POLR3H: variants seen among roughly 807,000 people sequenced by gnomAD.
The protein encoded by POLR3H is DNA-directed RNA polymerase III subunit RPC8.
A neutral mutation model predicts 25.5 loss-of-function variants in POLR3H; 17 were observed. That is an observed-to-expected ratio of 0.67 (90% CI 0.46 to 1.00). The LOEUF is 1.00. Ranked by LOEUF, POLR3H falls within the 50% of genes least tolerant of loss-of-function variation. POLR3H has a pLI of 0.00. For missense variants in POLR3H, 274 were observed against 265.0 expected, an observed-to-expected ratio of 1.03 and a Z score of -0.24; for synonymous variants, 129 against 103.0, an observed-to-expected ratio of 1.25 and a Z score of -1.53.
intron 2 of POLR3H, 128 bp from the exon 3 acceptor site, chr22:41,532,873 ACC>A: frequency 1.0e-6 from 1 of 988,592 alleles, no homozygotes; most frequent in East Asian, 2.7e-5. Flanking sequence ...GCAAGCCTAG[ACC>A]CTCCCTTTGT....
In POLR3H at chr22:41,526,597, C is replaced by A; in HGVS notation, c.*2686G>T. ...GGACTGCTGTGGAAGGGAGGAGAGG[C>A]CTGCAGCCCCTCCCTGTGGCTGAGA... On this transcript the variant is annotated 3_prime_UTR_variant, in exon 6 of 6. Coordinates refer to ENST00000355209, the MANE Select transcript of POLR3H (RefSeq NM_001018050.4). 1.2e-6 allele frequency: 1 copy of A among 849,068 alleles called. No homozygotes were observed. Among genetic ancestry groups the A allele is most frequent in the Non-Finnish European group, 1.7e-6 (1 of 579,222 alleles). The allele number at this position is 849,068 out of a possible 1,614,324, so 52.6% of individuals were successfully genotyped here.
intron 5 of POLR3H, chr22:41,529,591 C>A: frequency 1.4e-6 from 1 of 701,566 alleles, no homozygotes; most frequent in East Asian, 2.7e-5. Context: ...TAGGCCTGCC[C>A]TCCAGGGCCA....
At chr22:41,529,374 G>A in intron 5 of POLR3H, 38 bp from the exon 6 acceptor site, 2 of 1,605,810 alleles carry the variant, frequency 1.2e-6, no homozygotes, top group Non-Finnish European at 1.7e-6. Flanking sequence ...TCACTGACAT[G>A]CTGGCTTGAA....
At chr22:41,543,135 A>C (rs765198589) in intron 1 of POLR3H, among the ~76,000 whole-genome samples, 2 of 152,192 alleles carry the variant, frequency 1.3e-5, no homozygotes, top group Admixed American at 6.5e-5. Flanking sequence ...GAAAAAGTCT[A>C]AGAAGGAAAG....
intron 5 of POLR3H, among the ~76,000 whole-genome samples, chr22:41,529,945 T>G (rs181162436): frequency 7.9e-5 from 12 of 151,616 alleles, no homozygotes; most frequent in South Asian, 2.1e-4. Context: ...TTAGTAGAGA[T>G]GGGGTTTCAC....
At chr22:41,536,114 C>A (rs999429040) in intron 2 of POLR3H, among the ~76,000 whole-genome samples, 1 of 148,534 alleles carries the variant, frequency 6.7e-6, no homozygotes, top group African/African-American at 2.5e-5. Flanking sequence ...GGAGGTGGGC[C>A]GGGCGCGGTG....
intron 3 of POLR3H, among the ~76,000 whole-genome samples, chr22:41,532,427 G>A (rs962987449): frequency 2.0e-5 from 3 of 152,164 alleles, no homozygotes; most frequent in Non-Finnish European, 2.9e-5. Flanking sequence ...AGTCACTTCC[G>A]CCAGCTTCAG....
At chr22:41,538,638 CT>C (rs1308046223) in intron 2 of POLR3H, among the ~76,000 whole-genome samples, 1 of 152,192 alleles carries the variant, frequency 6.6e-6, no homozygotes, top group Admixed American at 6.5e-5. Context: ...ACCAAGGCCC[CT>C]GTCCAAATGC....
In POLR3H at chr22:41,532,699, G is replaced by A. The variant is rs2145547255; in HGVS notation, c.255C>T (p.Leu85=). The change falls in exon 3 of 6, where the codon CTC becomes CTT. Residue 85 remains leucine, a synonymous_variant. Coordinates refer to ENST00000355209, the MANE Select transcript of POLR3H (RefSeq NM_001018050.4). ...VVFHPFLDEI[L]IGKIKGCSPE... Reference sequence around the variant, plus strand: ...GGCTGCAGCCTTTGATCTTCCCAATGAGAATCTCATCTAGGAATGGATGAA... The same window carrying A: ...GGCTGCAGCCTTTGATCTTCCCAATAAGAATCTCATCTAGGAATGGATGAA... The A allele has an allele frequency of 1.2e-6, 2 of 1,614,112 alleles. No homozygotes were observed. The highest frequency in any genetic ancestry group is 1.7e-6 in the Non-Finnish European group (2 of 1,179,998).
Position 41,528,444 on chromosome 22 carries a change from C to A in POLR3H, c.*839G>T. 1 of 1,608,078 alleles carries A rather than the reference C, an allele frequency of 6.2e-7. No homozygotes were observed. The highest frequency in any genetic ancestry group is 8.5e-7 in the Non-Finnish European group (1 of 1,178,098). Reference sequence around the variant, plus strand: ...TGCGGGGCCAAGGGCACACAGTACCCACCACTTCCACCCACACCCACCTTC... The same window carrying A: ...TGCGGGGCCAAGGGCACACAGTACCAACCACTTCCACCCACACCCACCTTC... On this transcript the variant is annotated 3_prime_UTR_variant, in exon 6 of 6. Transcript: ENST00000355209.
intron 4 of POLR3H, 121 bp from the exon 5 acceptor site, chr22:41,531,009 C>T (rs2066720603): frequency 2.2e-6 from 2 of 916,272 alleles, no homozygotes; most frequent in East Asian, 2.5e-5. Context: ...TGGGAAGTCA[C>T]AGGAAAAGCA....
At chr22:41,530,051 C>T (rs1214753033) in intron 5 of POLR3H, among the ~76,000 whole-genome samples, 2 of 151,588 alleles carry the variant, frequency 1.3e-5, no homozygotes. Context: ...CACTGTGCCC[C>T]AGCAGCCCTA....
In POLR3H at chr22:41,544,074, T is replaced by C; in HGVS notation, c.28A>G (p.Thr10Ala). 1.3e-6 allele frequency: 2 copies of C among 1,596,068 alleles called. No individual in the cohort carries two copies. The highest frequency in any genetic ancestry group is 4.6e-5 in the East Asian group (2 of 43,580). Residue 10 changes from threonine (T) to alanine (A), a missense_variant, in exon 1 of 6, where the codon ACC becomes GCC. Coordinates refer to ENST00000355209, the MANE Select transcript of POLR3H (RefSeq NM_001018050.4). ...AACTGCCAAGGGGGGATCCGGACGG[T>C]GTCCACCATTTCCACCAGGACGAAC... MFVLVEMVD[T>A]VRIPPWQFER...
intron 3 of POLR3H, 51 bp downstream of exon 3, chr22:41,532,608 T>G: frequency 3.1e-6 from 5 of 1,613,712 alleles, no homozygotes; most frequent in Non-Finnish European, 4.2e-6. Flanking sequence ...ACAGACCTCC[T>G]GCCCCCACAG....
rs80236719 is a variant in POLR3H, at chr22:41,544,382, T to G, written c.-281A>C. 0.031 allele frequency: 9,023 copies of G among 291,406 alleles called. 644 individuals are homozygous for G. The highest frequency in any genetic ancestry group is 0.23 in the Admixed American group (3,884 of 17,150). 18.1% of individuals were successfully genotyped at this position (291,406 alleles called of 1,614,324 possible). The stretch of plus-strand genomic sequence containing the variant: ...GCCACGCCACTCCACGCCACGCCAC[T>G]CCACGCCCCGCACCCGCGCCACGTG... On this transcript the variant is annotated 5_prime_UTR_variant, in exon 1 of 6. Transcript: ENST00000355209.
At position 41,528,786 on chromosome 22, in the gene POLR3H, A is replaced by G. The variant is rs1490920149; in HGVS notation, c.*497T>C. 1.1e-6 allele frequency: 1 copy of G among 942,080 alleles called. No individual in the cohort carries two copies. The highest frequency in any genetic ancestry group is 1.7e-5 in the African/African-American group (1 of 59,436). 58.4% of individuals were successfully genotyped at this position (942,080 alleles called of 1,614,324 possible). A position where few individuals can be genotyped will look rare whatever the true frequency, so the allele number is the denominator to read the frequency against. ...GTGGTTGTGGTGGGGGGGTTCTTAAAATAACTTTTTAGCCCCCGTCTTCCT... is the reference window on the plus strand; with the variant it reads ...GTGGTTGTGGTGGGGGGGTTCTTAAGATAACTTTTTAGCCCCCGTCTTCCT... On this transcript the variant is annotated 3_prime_UTR_variant, in exon 6 of 6. Coordinates refer to ENST00000355209, the MANE Select transcript of POLR3H (RefSeq NM_001018050.4).
At position 41,528,676 on chromosome 22, in the gene POLR3H, T is replaced by G; in HGVS notation, c.*607A>C. 6.3e-7 allele frequency: 1 copy of G among 1,583,660 alleles called. No homozygotes were observed. Among genetic ancestry groups the G allele is most frequent in the Non-Finnish European group, 8.6e-7 (1 of 1,167,988 alleles). On this transcript the variant is annotated 3_prime_UTR_variant, in exon 6 of 6. Transcript: ENST00000355209. Reference sequence around the variant, plus strand: ...CAGCTCCACGTGTGCCATCAGTGGATCCGATCCGTCCAGCCATGGCTTCCT... The same window carrying G: ...CAGCTCCACGTGTGCCATCAGTGGAGCCGATCCGTCCAGCCATGGCTTCCT...
rs1409503780 is a variant in POLR3H, at chr22:41,540,742, C to T, written c.165G>A (p.Glu55=). ...CATCCCCAGGGAATACATAGGCATC[C>T]TCCAGTTTGGTGATATCAAACAGAC... ...CICLFDITKL[E]DAYVFPGDGA... Residue 55 remains glutamate (E), a synonymous_variant, in exon 2 of 6, where the codon GAG becomes GAA. Coordinates refer to ENST00000355209, the MANE Select transcript of POLR3H (RefSeq NM_001018050.4). 1 of 1,614,186 alleles carries T rather than the reference C, an allele frequency of 6.2e-7. No individual in the cohort carries two copies. The highest frequency in any genetic ancestry group is 8.5e-7 in the Non-Finnish European group (1 of 1,180,036).
In POLR3H at chr22:41,528,618, A is replaced by G; in HGVS notation, c.*665T>C. 6.3e-7 allele frequency: 1 copy of G among 1,576,404 alleles called. No individual in the cohort carries two copies. Among genetic ancestry groups the G allele is most frequent in the Non-Finnish European group, 8.6e-7 (1 of 1,164,936 alleles). ...ATGAAGGAACTGCAACAGTGAGGGC[A>G]GTGCCTCCCCGCCCCGCCGCTGGCG... On this transcript the variant is annotated 3_prime_UTR_variant, in exon 6 of 6. Coordinates refer to ENST00000355209, the MANE Select transcript of POLR3H (RefSeq NM_001018050.4).
Sources: allele counts gnomAD v4.1 joint callset (sites outside exome capture counted in the v4.1 genomes callset), GRCh38; gene constraint gnomAD v4.1.1; transcripts MANE v1.5; gene names NCBI Gene and HGNC (gene_info 2026-07-23, HGNC 2026-07-21).